The following NKAIN2 variants were observed in gnomAD, a reference collection of about 807,000 sequenced individuals.
NKAIN2 encodes the protein sodium/potassium transporting ATPase interacting 2.
Under a neutral mutation model 32.6 loss-of-function variants are expected in NKAIN2, and 14 were observed. The observed-to-expected ratio is 0.43, with a 90% CI of 0.28 to 0.67. The LOEUF is 0.67. Ranked by LOEUF, NKAIN2 falls within the 30% of genes least tolerant of loss-of-function variation. The probability of loss-of-function intolerance (pLI) is 0.17; values close to 1 mark genes in which losing one functional copy is unlikely to be tolerated. For missense variants in NKAIN2, 198 were observed against 258.3 expected, an observed-to-expected ratio of 0.77 and a Z score of 1.60; for synonymous variants, 80 against 87.2, an observed-to-expected ratio of 0.92 and a Z score of 0.46.
intron 3 of NKAIN2, among the ~76,000 whole-genome samples, chr6:124,452,480 CATT>C (rs1392866932): frequency 2.0e-5 from 3 of 151,940 alleles, no homozygotes; most frequent in African/African-American, 7.2e-5. Context: ...AGTTAATTAT[CATT>C]ATAATTTATA....
chr6:124,754,738 G>A (rs1182338823), intron 4 of NKAIN2, among the ~76,000 whole-genome samples: 1 of 152,046 alleles, frequency 6.6e-6, no homozygotes, highest in African/African-American at 2.4e-5. Flanking sequence ...ATTCCTCAAA[G>A]ACCTAAAGAC....
chr6:124,740,443 TAC>T (rs766870512), intron 4 of NKAIN2, among the ~76,000 whole-genome samples: 2 of 99,384 alleles, frequency 2.0e-5, no homozygotes, highest in African/African-American at 3.7e-5. Context: ...TATACACATA[TAC>T]ACGTGTGTGT....
intron 1 of NKAIN2, among the ~76,000 whole-genome samples, chr6:124,064,061 C>T (rs1278019544): frequency 6.6e-6 from 1 of 151,896 alleles, no homozygotes; most frequent in African/African-American, 2.4e-5. Context: ...CACCATTCTC[C>T]TGCCTCAGCC....
intron 1 of NKAIN2, among the ~76,000 whole-genome samples, chr6:124,187,127 C>CT (rs1789785134): frequency 1.3e-5 from 2 of 151,934 alleles, no homozygotes; most frequent in African/African-American, 4.8e-5. Context: ...TCTTTGTTTC[C>CT]TTTTTTCTCA....
At chr6:124,189,556 C>A (rs1789914169) in intron 1 of NKAIN2, among the ~76,000 whole-genome samples, 1 of 152,018 alleles carries the variant, frequency 6.6e-6, no homozygotes, top group African/African-American at 2.4e-5. Flanking sequence ...AAAAGTTAGC[C>A]TGGTGTGGTG....
rs534649006 is a variant in NKAIN2 at position 124,577,346 on chromosome 6, G to C, written c.274-80840G>C. Among the ~76,000 whole-genome samples the C allele has an allele frequency of 3.1e-4, 47 of 151,538 alleles. 1 individual carries two copies. In the South Asian group the frequency reaches 9.5e-3, roughly 31 times the overall value. On this transcript the variant is annotated intron_variant, in intron 3 of 6. Coordinates refer to ENST00000368417, the MANE Select transcript of NKAIN2 (RefSeq NM_001040214.3). ...TTGAATTGCTGTCACCACCCCTCCT[G>C]CACCCCCCAGCAGCAGCTGCATAGT... is the stretch of plus-strand genomic sequence containing the variant.
chr6:124,317,422 A>G (rs1797003263), intron 2 of NKAIN2, among the ~76,000 whole-genome samples: 1 of 152,104 alleles, frequency 6.6e-6, no homozygotes, highest in Non-Finnish European at 1.5e-5. Flanking sequence ...ACTAGTTTAG[A>G]CATTTGGTAC....
At chr6:124,263,509 A>C (rs1447006974) in intron 1 of NKAIN2, among the ~76,000 whole-genome samples, 1 of 152,170 alleles carries the variant, frequency 6.6e-6, no homozygotes, top group Admixed American at 6.5e-5. Context: ...TTCTCCTGTC[A>C]ACTGAAGAGA....
intron 1 of NKAIN2, among the ~76,000 whole-genome samples, chr6:123,931,471 T>C (rs1776251050): frequency 6.6e-6 from 1 of 152,168 alleles, no homozygotes; most frequent in Admixed American, 6.5e-5. Context: ...TTCTGCTTGA[T>C]AGTTAACAGT....
intron 3 of NKAIN2, among the ~76,000 whole-genome samples, chr6:124,611,312 A>T (rs182321009): frequency 6.6e-6 from 1 of 152,116 alleles, no homozygotes; most frequent in African/African-American, 2.4e-5. Flanking sequence ...AAGAAAATAA[A>T]TGTTATTAAA....
At chr6:124,684,188 C>T (rs1309584739) in intron 4 of NKAIN2, among the ~76,000 whole-genome samples, 3 of 152,124 alleles carry the variant, frequency 2.0e-5, no homozygotes, top group East Asian at 3.9e-4. Flanking sequence ...AAAATAAATA[C>T]ATGTCTGCTC....
chr6:124,758,379 T>C (rs982618471), intron 4 of NKAIN2, among the ~76,000 whole-genome samples: 8 of 152,158 alleles, frequency 5.3e-5, no homozygotes, highest in African/African-American at 1.9e-4. Flanking sequence ...CCTTCCGCCC[T>C]GTGAGGGCAC....
chr6:124,460,532 T>C (rs1776492141), intron 3 of NKAIN2, among the ~76,000 whole-genome samples: 1 of 151,804 alleles, frequency 6.6e-6, no homozygotes, highest in Non-Finnish European at 1.5e-5. Context: ...ATTCTTTTCC[T>C]TTGGAATTAT....
chr6:124,730,458 G>C (rs1776604582), intron 4 of NKAIN2, among the ~76,000 whole-genome samples: 1 of 106,808 alleles, frequency 9.4e-6, no homozygotes, highest in African/African-American at 3.6e-5. Flanking sequence ...AAGCAATGGG[G>C]AAAGGATTCC....
intron 3 of NKAIN2, among the ~76,000 whole-genome samples, chr6:124,622,201 G>A (rs1015320737): frequency 1.4e-4 from 21 of 152,270 alleles, no homozygotes; most frequent in African/African-American, 5.1e-4. Flanking sequence ...GCACAGTTCC[G>A]ATCTCTGCCT....
At chr6:124,793,112 C>A (rs1453667481) in intron 5 of NKAIN2, among the ~76,000 whole-genome samples, 1 of 151,934 alleles carries the variant, frequency 6.6e-6, no homozygotes, top group Non-Finnish European at 1.5e-5. Context: ...ATAGATGTGC[C>A]ATGAGACATG....
intron 1 of NKAIN2, among the ~76,000 whole-genome samples, chr6:124,261,286 A>T (rs1794236940): frequency 6.6e-6 from 1 of 152,080 alleles, no homozygotes; most frequent in South Asian, 2.1e-4. Flanking sequence ...TTTTACTATT[A>T]TGCAAGAAAA....
chr6:124,468,882 T>G (rs1045919171), intron 3 of NKAIN2, among the ~76,000 whole-genome samples: 2 of 152,128 alleles, frequency 1.3e-5, no homozygotes, highest in Non-Finnish European at 2.9e-5. Context: ...GATCAGGTAG[T>G]TTAAGTAAAG....
chr6:124,290,288 CT>C (rs1156702588), intron 2 of NKAIN2, among the ~76,000 whole-genome samples: 2 of 152,098 alleles, frequency 1.3e-5, no homozygotes, highest in South Asian at 2.1e-4. Flanking sequence ...TCTAGATTCA[CT>C]TTTTTAAATC....
Sources: gnomAD v4.1 joint callset for allele counts (sites outside exome capture counted in the v4.1 genomes callset) on GRCh38, gnomAD v4.1.1 for gene constraint, MANE v1.5 for transcripts, NCBI Gene and HGNC (gene_info 2026-07-23, HGNC 2026-07-21) for gene names.